Variants in ZNF99 observed in about 807,000 individuals in gnomAD.
ZNF99 encodes the protein zinc finger protein ENSP00000375192.
A neutral mutation model predicts 12.8 loss-of-function variants in ZNF99; 8 were observed. That is an observed-to-expected ratio of 0.62 (90% confidence interval 0.37 to 1.13). The LOEUF is 1.13. Among genes scored for constraint, ZNF99 ranks in the 50% most tolerant of loss-of-function variants. The pLI, the probability that ZNF99 is intolerant of heterozygous loss-of-function variation, is 0.02. For synonymous variants in ZNF99, 318 were observed against 319.0 expected, an observed-to-expected ratio of 1.00 and a Z score of 0.03; for missense variants, 1,007 against 1,006.2, an observed-to-expected ratio of 1.00 and a Z score of -0.01.
intron 1 of ZNF99, chr19:22,770,111 C>A: frequency 1.1e-6 from 1 of 899,794 alleles, no homozygotes; most frequent in South Asian, 2.4e-5. Context: ...CCAGTAATGC[C>A]TGTTTTTGGC....
Position 22,757,026 on chromosome 19 carries a change from A to G in ZNF99, c.*288T>C. The G allele has an allele frequency of 6.2e-7, 1 of 1,613,016 alleles. No individual in the cohort carries two copies. The highest frequency in any genetic ancestry group is 8.5e-7 in the Non-Finnish European group (1 of 1,179,328). ...GAGAAATTGCTAAAAGCTTTGCCACATTCTTCACATTTGTACGATTTCTCC... is the reference window on the plus strand; with the variant it reads ...GAGAAATTGCTAAAAGCTTTGCCACGTTCTTCACATTTGTACGATTTCTCC... On this transcript the variant is annotated 3_prime_UTR_variant, in exon 4 of 4. Coordinates refer to ENST00000596209, the MANE Select transcript of ZNF99 (RefSeq NM_001080409.3).
In ZNF99 at chr19:22,758,948, C is replaced by A. The variant is rs1351414710; in HGVS notation, c.961G>T (p.Ala321Ser). 6.2e-7 allele frequency: 1 copy of A among 1,613,862 alleles called. No individual in the cohort carries two copies. The change falls in exon 4 of 4, where the codon GCT becomes TCT. Residue 321 changes from alanine to serine, a missense_variant. By Grantham distance (99) the Ala-to-Ser change is moderately conservative. Transcript: ENST00000596209. ...CTAAGGGCTGAGAAATGGTTAAAAG[C>A]TTTGCCACATTCTTCGCATTTGTAG... ...KPYKCEECGK[A>S]FNHFSALRKH...
At chr19:22,779,121 T>C (rs1973359707) in intron 1 of ZNF99, among the ~76,000 whole-genome samples, 2 of 152,328 alleles carry the variant, frequency 1.3e-5, no homozygotes, top group African/African-American at 4.8e-5. Context: ...GAACAGTTTC[T>C]GGAAAGAAAC....
Position 22,756,758 on chromosome 19 carries a change from T to C in ZNF99, c.*556A>G. On this transcript the variant is annotated 3_prime_UTR_variant, in exon 4 of 4. Coordinates refer to ENST00000596209, the MANE Select transcript of ZNF99 (RefSeq NM_001080409.3). ...TTATGTTTCATAAGGGTTGAGGAAT[T>C]GTTAAAAGCTTTGCCACATTCTTCA... 6.7e-7 allele frequency: 1 copy of C among 1,487,142 alleles called. No individual in the cohort carries two copies. Among genetic ancestry groups the C allele is most frequent in the East Asian group, 2.6e-5 (1 of 38,866 alleles). The allele number at this position is 1,487,142 out of a possible 1,614,324, so 92.1% of individuals were successfully genotyped here.
At position 22,756,472 on chromosome 19, in the gene ZNF99, T is replaced by A. The variant is rs185780395; in HGVS notation, c.*842A>T. 4,766 of 1,595,200 alleles carry A rather than the reference T, an allele frequency of 3.0e-3. 131 individuals are homozygous for A. Among genetic ancestry groups the A allele is most frequent in the Middle Eastern group, 5.5e-3 (33 of 5,976 alleles). ...ACATTTGTAGGGTTTCTTTCCAGTA[T>A]GAATTATCCTATGTTTAGTAAGGCG... On this transcript the variant is annotated 3_prime_UTR_variant, in exon 4 of 4. Transcript: ENST00000596209.
At position 22,755,432 on chromosome 19, in the gene ZNF99, T is replaced by A. The variant is rs975888541; in HGVS notation, c.*1882A>T. ...GTAAGGTTTGAGGACCAGTTAAAAG[T>A]TTTGCCACACTCTTCACATGAGGCG... On this transcript the variant is annotated 3_prime_UTR_variant, in exon 4 of 4. Coordinates refer to ENST00000596209, the MANE Select transcript of ZNF99 (RefSeq NM_001080409.3). 5 of 288,336 alleles carry A rather than the reference T, an allele frequency of 1.7e-5. No homozygotes were observed. The highest frequency in any genetic ancestry group is 3.6e-5 in the Non-Finnish European group (5 of 140,206). The allele number at this position is 288,336 out of a possible 1,614,324, so 17.9% of individuals were successfully genotyped here.
At chr19:22,766,720 C>T (rs1210976049) in intron 3 of ZNF99, among the ~76,000 whole-genome samples, 1 of 150,690 alleles carries the variant, frequency 6.6e-6, no homozygotes, top group Admixed American at 6.6e-5. Context: ...GGCGCCATCT[C>T]GGCTTACCAC....
chr19:22,768,288 T>G lies in ZNF99; in HGVS notation c.226+17A>C. 1 of 1,613,348 alleles carries G rather than the reference T, an allele frequency of 6.2e-7. No homozygotes were observed. Among genetic ancestry groups the G allele is most frequent in the Non-Finnish European group, 8.5e-7 (1 of 1,179,354 alleles). On this transcript the variant is annotated intron_variant, in intron 3 of 3. Coordinates refer to ENST00000596209, the MANE Select transcript of ZNF99 (RefSeq NM_001080409.3). Reference sequence around the variant, plus strand: ...GACCTCTTATTTGTGTTGTTTCTTGTATTCACTCTCACATACCTGGGGGTT... The same window carrying G: ...GACCTCTTATTTGTGTTGTTTCTTGGATTCACTCTCACATACCTGGGGGTT...
intron 1 of ZNF99, among the ~76,000 whole-genome samples, chr19:22,778,362 G>A (rs892648221): frequency 2.0e-5 from 3 of 151,940 alleles, no homozygotes; most frequent in Non-Finnish European, 4.4e-5. Flanking sequence ...AACCAAATTT[G>A]TAGAGTTTGC....
At chr19:22,774,713 T>G (rs1241334638) in intron 1 of ZNF99, among the ~76,000 whole-genome samples, 2 of 151,870 alleles carry the variant, frequency 1.3e-5, no homozygotes, top group African/African-American at 2.4e-5. Flanking sequence ...CTACTAAAAA[T>G]ACAAAAATGA....
chr19:22,756,080 C>T lies in ZNF99; in HGVS notation c.*1234G>A, dbSNP rs771026461. 6.0e-5 allele frequency: 82 copies of T among 1,360,882 alleles called. No individual in the cohort carries two copies. The highest frequency in any genetic ancestry group is 7.4e-5 in the Non-Finnish European group (75 of 1,018,952). 84.3% of individuals were successfully genotyped at this position (1,360,882 alleles called of 1,614,324 possible). A position where few individuals can be genotyped will look rare whatever the true frequency, so the allele number is the denominator to read the frequency against. ...ATGAATTGTTTTCTGCCTATTAAGG[C>T]TTGAGGACTGGTTAAAAGCTTTGCC... On this transcript the variant is annotated 3_prime_UTR_variant, in exon 4 of 4. Transcript: ENST00000596209.
chr19:22,755,290 A>G lies in ZNF99; in HGVS notation c.*2024T>C. The G allele has an allele frequency of 3.9e-6, 1 of 254,998 alleles. No homozygotes were observed. The highest frequency in any genetic ancestry group is 8.1e-6 in the Non-Finnish European group (1 of 123,070). 15.8% of individuals were successfully genotyped at this position (254,998 alleles called of 1,614,324 possible). Reference sequence around the variant, plus strand: ...ATTGCCACATTCTTCACATTTCTAGAGTTTGTCTTCAGTATCAACTATTTT... The same window carrying G: ...ATTGCCACATTCTTCACATTTCTAGGGTTTGTCTTCAGTATCAACTATTTT... On this transcript the variant is annotated 3_prime_UTR_variant, in exon 4 of 4. Transcript: ENST00000596209.
chr19:22,780,971 T>C (rs999234573), intron 1 of ZNF99, among the ~76,000 whole-genome samples: 1 of 152,142 alleles, frequency 6.6e-6, no homozygotes, highest in African/African-American at 2.4e-5. Context: ...ATTTGAAAAG[T>C]CAAGCCTTGA....
At chr19:22,776,865 G>C (rs1973335415) in intron 1 of ZNF99, among the ~76,000 whole-genome samples, 1 of 148,242 alleles carries the variant, frequency 6.7e-6, no homozygotes, top group Non-Finnish European at 1.5e-5. Context: ...TATGGTACAG[G>C]TAAGGTTTGG....
In ZNF99 at chr19:22,755,618, T is replaced by C. The variant is rs758012453; in HGVS notation, c.*1696A>G. 7 of 284,462 alleles carry C rather than the reference T, an allele frequency of 2.5e-5. No homozygotes were observed. The highest frequency in any genetic ancestry group is 5.0e-5 in the Non-Finnish European group (7 of 139,748). 17.6% of individuals were successfully genotyped at this position (284,462 alleles called of 1,614,324 possible). A position where few individuals can be genotyped will look rare whatever the true frequency, so the allele number is the denominator to read the frequency against. On this transcript the variant is annotated 3_prime_UTR_variant, in exon 4 of 4. Coordinates refer to ENST00000596209, the MANE Select transcript of ZNF99 (RefSeq NM_001080409.3). Reference sequence around the variant, plus strand: ...AGTTTTGCCAAATTCTTTAAATTTGTAGTGTTCCTCTCCAAGATAAATTAT... The same window carrying C: ...AGTTTTGCCAAATTCTTTAAATTTGCAGTGTTCCTCTCCAAGATAAATTAT...
At position 22,758,085 on chromosome 19, in the gene ZNF99, A is replaced by C; in HGVS notation, c.1824T>G (p.Leu608=). 6.2e-7 allele frequency: 1 copy of C among 1,604,780 alleles called. No homozygotes were observed. Among genetic ancestry groups the C allele is most frequent in the Admixed American group, 1.7e-5 (1 of 59,538 alleles). The change falls in exon 4 of 4, where the codon CTT becomes CTG. Residue 608 remains leucine, a synonymous_variant. Transcript: ENST00000596209. ...CGKAFNHFSA[L]RKHQIIHTGK... The stretch of plus-strand genomic sequence containing the variant: ...CAGTATGAATTATCTGATGTTTTCT[A>C]AGGGCTGAGAAGTGGTTAAAAGCTT...
chr19:22,778,870 G>A (rs771645697), intron 1 of ZNF99, among the ~76,000 whole-genome samples: 1 of 152,202 alleles, frequency 6.6e-6, no homozygotes, highest in Admixed American at 6.5e-5. Flanking sequence ...AGCTGGGCGT[G>A]GTGGTGCCTG....
chr19:22,777,551 CTA>C (rs1599449846), intron 1 of ZNF99, among the ~76,000 whole-genome samples: 1 of 152,124 alleles, frequency 6.6e-6, no homozygotes, highest in Non-Finnish European at 1.5e-5. Context: ...CAAAAAAACT[CTA>C]TGGGTGAAAG....
chr19:22,756,747 G>A lies in ZNF99; in HGVS notation c.*567C>T. ...TATGAATTATCTTATGTTTCATAAGGGTTGAGGAATTGTTAAAAGCTTTGC... is the reference window on the plus strand; with the variant it reads ...TATGAATTATCTTATGTTTCATAAGAGTTGAGGAATTGTTAAAAGCTTTGC... On this transcript the variant is annotated 3_prime_UTR_variant, in exon 4 of 4. Coordinates refer to ENST00000596209, the MANE Select transcript of ZNF99 (RefSeq NM_001080409.3). 1.3e-6 allele frequency: 2 copies of A among 1,589,078 alleles called. No individual in the cohort carries two copies. The highest frequency in any genetic ancestry group is 2.2e-5 in the South Asian group (2 of 90,660).
Sources: gnomAD v4.1 joint callset for allele counts (sites outside exome capture counted in the v4.1 genomes callset) on GRCh38, gnomAD v4.1.1 for gene constraint, MANE v1.5 for transcripts, NCBI Gene and HGNC (gene_info 2026-07-23, HGNC 2026-07-21) for gene names.